The following LGR6 variants were observed in gnomAD, a reference collection of about 807,000 sequenced individuals.
LGR6 encodes leucine-rich repeat-containing G protein-coupled receptor 6.
Under a neutral mutation model 69.4 loss-of-function variants are expected in LGR6, and 45 were observed. That is an observed-to-expected ratio of 0.65 (90% CI 0.51 to 0.83). The LOEUF (loss-of-function observed/expected upper bound fraction) is 0.83, where lower values mean the gene tolerates loss of function less well. LGR6 is among the 40% of genes least tolerant of loss of function. LGR6 has a pLI of 0.00. For missense variants in LGR6, 1,108 were observed against 1,246.7 expected, an observed-to-expected ratio of 0.89 and a Z score of 1.68; for synonymous variants, 538 against 555.0, an observed-to-expected ratio of 0.97 and a Z score of 0.43.
chr1:202,287,197 T>A (rs1666456952), intron 6 of LGR6, among the ~76,000 whole-genome samples: 2 of 152,354 alleles, frequency 1.3e-5, no homozygotes, highest in South Asian at 4.1e-4. Flanking sequence ...ATTCACTCAT[T>A]CCATAAATAT....
chr1:202,205,989 C>CACA (rs1553238578), intron 1 of LGR6, among the ~76,000 whole-genome samples: 2,005 of 148,226 alleles, frequency 0.014, 15 homozygotes, highest in Non-Finnish European at 0.021. Context: ...CACACACACA[C>CACA]CCCTAGTATG....
chr1:202,225,662 T>C (rs1173052692), intron 2 of LGR6, among the ~76,000 whole-genome samples, 168 bp downstream of exon 2: 8 of 152,134 alleles, frequency 5.3e-5, no homozygotes, highest in Non-Finnish European at 8.8e-5. Flanking sequence ...CAGGTGTGAA[T>C]TGACATGCTG....
intron 6 of LGR6, among the ~76,000 whole-genome samples, chr1:202,296,235 C>T (rs1489415096): frequency 6.6e-6 from 1 of 152,060 alleles, no homozygotes; most frequent in Non-Finnish European, 1.5e-5. Flanking sequence ...GTAACTAAGT[C>T]TTCCCCCAAC....
At chr1:202,307,661 C>T (rs1653353031) in intron 14 of LGR6, among the ~76,000 whole-genome samples, 1 of 152,186 alleles carries the variant, frequency 6.6e-6, no homozygotes, top group South Asian at 2.1e-4. Flanking sequence ...CTCATCCCCC[C>T]TGCCTCGGTC....
rs116298949 is a variant in LGR6 at position 202,257,769 on chromosome 1, T to G, written c.429-18537T>G. On this transcript the variant is annotated intron_variant, in intron 4 of 17. Transcript: ENST00000367278. ...TTGGGAAGGGTGAGTCTTCCTACTT[T>G]GTTATTTTCAAGGTTTGACTATTCT... 2.1e-3 allele frequency among the ~76,000 whole-genome samples: 318 copies of G among 152,250 alleles called. 1 individual carries two copies. Among genetic ancestry groups the G allele is most frequent in the African/African-American group, 7.4e-3 (309 of 41,576 alleles).
chr1:202,295,389 A>G (rs1327720403), intron 6 of LGR6, among the ~76,000 whole-genome samples: 1 of 152,146 alleles, frequency 6.6e-6, no homozygotes, highest in Non-Finnish European at 1.5e-5. Context: ...TTTATGGGAA[A>G]TCTAGTTCTC....
chr1:202,194,796 C>T (rs1222429219), intron 1 of LGR6, among the ~76,000 whole-genome samples: 1 of 152,132 alleles, frequency 6.6e-6, no homozygotes, highest in African/African-American at 2.4e-5. Context: ...TCTCCCTTCA[C>T]TGGGGCCTCC....
At chr1:202,229,560 G>A (rs1026027944) in intron 3 of LGR6, among the ~76,000 whole-genome samples, 32 of 152,236 alleles carry the variant, frequency 2.1e-4, no homozygotes, top group African/African-American at 6.3e-4. Flanking sequence ...CTAAGACTCC[G>A]GCTTAGAGAT....
chr1:202,311,388 G>A (rs1322519890), intron 16 of LGR6, among the ~76,000 whole-genome samples: 4 of 152,204 alleles, frequency 2.6e-5, no homozygotes, highest in African/African-American at 4.8e-5. Context: ...GGCTGGGCGC[G>A]GTGGCTCAAG....
intron 12 of LGR6, 123 bp from the exon 13 acceptor site, chr1:202,306,745 G>T (rs892994773): frequency 2.2e-6 from 2 of 892,418 alleles, no homozygotes; most frequent in Non-Finnish European, 3.6e-6. Flanking sequence ...CTCGGGCTGG[G>T]CCCTTTCTTC....
At chr1:202,292,010 G>A (rs748468387) in intron 6 of LGR6, among the ~76,000 whole-genome samples, 2 of 152,200 alleles carry the variant, frequency 1.3e-5, no homozygotes, top group Admixed American at 6.5e-5. Context: ...GGATGACTAG[G>A]ATTTTAACAG....
intron 4 of LGR6, among the ~76,000 whole-genome samples, chr1:202,258,739 T>C (rs1026363326): frequency 7.2e-5 from 11 of 152,084 alleles, no homozygotes; most frequent in African/African-American, 2.7e-4. Context: ...ATTGATTCTC[T>C]TGGAATTTAT....
At chr1:202,310,121 G>A in intron 15 of LGR6, 76 bp from the exon 16 acceptor site, 2 of 1,492,042 alleles carry the variant, frequency 1.3e-6, no homozygotes, top group Middle Eastern at 1.8e-4. Flanking sequence ...CTGGGTTGCA[G>A]ATCTCTTAAA....
intron 1 of LGR6, among the ~76,000 whole-genome samples, chr1:202,219,466 G>C (rs1298085997): frequency 6.6e-6 from 1 of 152,216 alleles, no homozygotes; most frequent in Non-Finnish European, 1.5e-5. Flanking sequence ...CTTCTCTAGA[G>C]GATGCCTAAT....
intron 6 of LGR6, among the ~76,000 whole-genome samples, chr1:202,283,243 G>A (rs1425187780): frequency 1.3e-5 from 2 of 152,122 alleles, no homozygotes; most frequent in Admixed American, 6.5e-5. Flanking sequence ...TGAGGGGTGA[G>A]TTCTTCTTCC....
intron 3 of LGR6, among the ~76,000 whole-genome samples, chr1:202,231,958 G>A (rs1412640585): frequency 1.3e-5 from 2 of 152,130 alleles, no homozygotes; most frequent in Non-Finnish European, 2.9e-5. Context: ...AGGGCGTGGT[G>A]GCGCACACCT....
intron 6 of LGR6, 49 bp downstream of exon 6, chr1:202,280,901 C>G (rs771685651): frequency 6.5e-7 from 1 of 1,546,648 alleles, no homozygotes; most frequent in South Asian, 1.2e-5. Context: ...GTGATGAAAG[C>G]CTGGAGTCTT....
chr1:202,310,395 G>A (rs2148298249), intron 16 of LGR6, 38 bp downstream of exon 16: 1 of 1,602,182 alleles, frequency 6.2e-7, no homozygotes. Context: ...GAGGGTAGTG[G>A]GCTGTGGAGA....
intron 14 of LGR6, among the ~76,000 whole-genome samples, chr1:202,308,706 A>G (rs1204511863): frequency 6.6e-6 from 1 of 152,200 alleles, no homozygotes; most frequent in Non-Finnish European, 1.5e-5. Flanking sequence ...GGCTTCCTGG[A>G]TGGCACTTAG....
Sources: allele counts gnomAD v4.1 joint callset (sites outside exome capture counted in the v4.1 genomes callset), GRCh38; gene constraint gnomAD v4.1.1; transcripts MANE v1.5; gene names NCBI Gene and HGNC (gene_info 2026-07-23, HGNC 2026-07-21).